Variants in MGMT observed in about 807,000 individuals in gnomAD.
The protein encoded by MGMT is O-6-methylguanine-DNA methyltransferase.
MGMT carries 14 observed loss-of-function variants against 15.9 expected under a neutral mutation model. The ratio of observed to expected loss-of-function variants is 0.88; its 90% confidence interval spans 0.58 to 1.37. MGMT has a LOEUF of 1.37. Among genes scored for constraint, MGMT ranks in the 40% most tolerant of loss-of-function variants. The pLI, the probability that MGMT is intolerant of heterozygous loss-of-function variation, is 0.00. For synonymous variants in MGMT, 130 were observed against 118.2 expected (o/e 1.10, Z -0.65); for missense variants, 282 against 268.1 (o/e 1.05, Z -0.36).
chr10:129,705,261 A>C (rs1199842970), intron 2 of MGMT, among the ~76,000 whole-genome samples: 1 of 152,164 alleles, frequency 6.6e-6, no homozygotes, highest in East Asian at 1.9e-4. Context: ...TGCCGTTTTT[A>C]ATTGTCTCTT....
chr10:129,570,719 G>A (rs534750617), intron 2 of MGMT, among the ~76,000 whole-genome samples: 25 of 152,208 alleles, frequency 1.6e-4, no homozygotes, highest in African/African-American at 6.0e-4. Context: ...ACTATTCATC[G>A]ATTCTTGACC....
intron 2 of MGMT, among the ~76,000 whole-genome samples, chr10:129,544,971 G>A (rs1254851749): frequency 1.3e-5 from 2 of 152,186 alleles, no homozygotes; most frequent in Non-Finnish European, 2.9e-5. Flanking sequence ...AGGAAGTGAG[G>A]ACTCGGAGGG....
intron 2 of MGMT, among the ~76,000 whole-genome samples, chr10:129,548,930 A>T (rs941817325): frequency 6.6e-6 from 1 of 152,178 alleles, no homozygotes; most frequent in Non-Finnish European, 1.5e-5. Context: ...GAGCACCAAG[A>T]ATGGGGCGCG....
intron 1 of MGMT, among the ~76,000 whole-genome samples, chr10:129,481,429 T>C (rs1272037444): frequency 6.6e-6 from 1 of 152,226 alleles, no homozygotes; most frequent in Non-Finnish European, 1.5e-5. Context: ...CTGGAGTGTC[T>C]GTCTGCTTTG....
intron 1 of MGMT, among the ~76,000 whole-genome samples, chr10:129,502,519 G>A (rs1036111662): frequency 1.3e-5 from 2 of 151,866 alleles, no homozygotes; most frequent in East Asian, 3.9e-4. Flanking sequence ...TCACATAATT[G>A]TTTTATTTTG....
intron 2 of MGMT, among the ~76,000 whole-genome samples, chr10:129,703,225 T>TA (rs1172580662): frequency 2.0e-5 from 3 of 152,180 alleles, no homozygotes; most frequent in Non-Finnish European, 4.4e-5. Context: ...AGCACAAGCA[T>TA]AAAAAATCAA....
intron 2 of MGMT, among the ~76,000 whole-genome samples, chr10:129,610,836 C>T (rs111262861): frequency 2.6e-5 from 4 of 152,306 alleles, no homozygotes; most frequent in African/African-American, 7.2e-5. Flanking sequence ...CTGGAATGCA[C>T]CCTCCCTTAA....
chr10:129,523,440 G>A lies in MGMT; in HGVS notation c.-12-12801G>A, dbSNP rs74859751. On this transcript the variant is annotated intron_variant, in intron 1 of 4. Transcript: ENST00000651593. ...GGAATCATGCTTGATGAAGGCTCAA[G>A]TGTAGTATGATTCAATCGGGCATGA... 9.7e-4 allele frequency among the ~76,000 whole-genome samples: 147 copies of A among 152,324 alleles called. 5 individuals carry two copies. The East Asian group carries it at 0.027, about 28-fold the overall frequency.
At chr10:129,492,343 C>A (rs1291718685) in intron 1 of MGMT, among the ~76,000 whole-genome samples, 1 of 152,194 alleles carries the variant, frequency 6.6e-6, no homozygotes. Context: ...TCCCCTGTTT[C>A]AAAGTCTCCT....
chr10:129,660,762 A>T (rs1004785419), intron 2 of MGMT, among the ~76,000 whole-genome samples: 1 of 140,966 alleles, frequency 7.1e-6, no homozygotes, highest in South Asian at 2.2e-4. Flanking sequence ...AAAGAGGAAG[A>T]TCCCCCACCC....
At chr10:129,668,664 T>C (rs1402055006) in intron 2 of MGMT, among the ~76,000 whole-genome samples, 3 of 152,234 alleles carry the variant, frequency 2.0e-5, no homozygotes, top group Non-Finnish European at 4.4e-5. Flanking sequence ...AATTTTCAAA[T>C]CTAATAGAGA....
chr10:129,613,349 C>T (rs1353579938), intron 2 of MGMT, among the ~76,000 whole-genome samples: 1 of 152,204 alleles, frequency 6.6e-6, no homozygotes, highest in Non-Finnish European at 1.5e-5. Flanking sequence ...CACATTTTGC[C>T]TGTGATTTGA....
chr10:129,753,033 T>C (rs1222973875), intron 3 of MGMT, among the ~76,000 whole-genome samples: 1 of 152,192 alleles, frequency 6.6e-6, no homozygotes, highest in Admixed American at 6.5e-5. Flanking sequence ...CCTTAGATTT[T>C]CCTTTTTATC....
At chr10:129,651,332 G>T (rs1056671941) in intron 2 of MGMT, among the ~76,000 whole-genome samples, 1 of 151,882 alleles carries the variant, frequency 6.6e-6, no homozygotes, top group Non-Finnish European at 1.5e-5. Flanking sequence ...GGTCCCAGGT[G>T]ACTAATAAGC....
chr10:129,467,718 A>G (rs1170845705), intron 1 of MGMT, among the ~76,000 whole-genome samples: 1 of 152,166 alleles, frequency 6.6e-6, no homozygotes, highest in African/African-American at 2.4e-5. Flanking sequence ...GCAGAGTCCC[A>G]TATTTCCTTC....
At chr10:129,542,611 AT>A (rs1846055904) in intron 2 of MGMT, among the ~76,000 whole-genome samples, 1 of 152,100 alleles carries the variant, frequency 6.6e-6, no homozygotes, top group South Asian at 2.1e-4. Context: ...TGAAATAATG[AT>A]TTGTGTTGTA....
chr10:129,561,155 C>T (rs1384031767), intron 2 of MGMT, among the ~76,000 whole-genome samples: 1 of 152,118 alleles, frequency 6.6e-6, no homozygotes, highest in African/African-American at 2.4e-5. Context: ...TGTCTTTCAC[C>T]GTGATTCTCA....
intron 1 of MGMT, among the ~76,000 whole-genome samples, chr10:129,485,394 G>A (rs1315290955): frequency 6.6e-5 from 10 of 152,302 alleles, no homozygotes; most frequent in Admixed American, 2.6e-4. Flanking sequence ...GCATCCAGCC[G>A]TTCTCTGGCG....
intron 1 of MGMT, among the ~76,000 whole-genome samples, chr10:129,473,155 G>A (rs1260424924): frequency 6.6e-6 from 1 of 152,236 alleles, no homozygotes; most frequent in Non-Finnish European, 1.5e-5. Flanking sequence ...GCAGTGGCCA[G>A]GAACCAGCAG....
Sources: gnomAD v4.1 joint callset for allele counts (sites outside exome capture counted in the v4.1 genomes callset) on GRCh38, gnomAD v4.1.1 for gene constraint, MANE v1.5 for transcripts, NCBI Gene and HGNC (gene_info 2026-07-23, HGNC 2026-07-21) for gene names.